ZFYVE28: variants seen among roughly 807,000 people sequenced by gnomAD.
The protein encoded by ZFYVE28 is zinc finger FYVE-type containing 28, also known as lateral signaling target protein 2 homolog.
ZFYVE28 carries 40 observed loss-of-function variants against 82.1 expected under a neutral mutation model. That is an observed-to-expected ratio of 0.49 (90% confidence interval 0.38 to 0.63). The LOEUF is 0.63. ZFYVE28 is among the 30% of genes least tolerant of loss of function. ZFYVE28 has a pLI of 0.00. For synonymous variants in ZFYVE28, 612 were observed against 546.1 expected (o/e 1.12, Z -1.68); for missense variants, 1,321 against 1,242.1 (o/e 1.06, Z -0.96).
intron 1 of ZFYVE28, chr4:2,364,590 G>A: frequency 1.0e-6 from 1 of 985,560 alleles, no homozygotes; most frequent in African/African-American, 1.7e-5. Flanking sequence ...ACAGACGCCC[G>A]GGTGGGCTCC....
Position 2,341,745 on chromosome 4 carries a change from C to A in ZFYVE28, c.181-130G>T, listed in dbSNP as rs1722846818. The A allele has an allele frequency of 7.5e-7, 1 of 1,328,510 alleles. No individual in the cohort carries two copies. Among genetic ancestry groups the A allele is most frequent in the Admixed American group, 2.3e-5 (1 of 42,562 alleles). The allele number at this position is 1,328,510 out of a possible 1,614,324, so 82.3% of individuals were successfully genotyped here. A position where few individuals can be genotyped will look rare whatever the true frequency, so the allele number is the denominator to read the frequency against. ...TATTAAAGTGATAGAGGAGGCTAGGCACGGTGGCTCATGCCTATAATGCCA... is the reference window on the plus strand; with the variant it reads ...TATTAAAGTGATAGAGGAGGCTAGGAACGGTGGCTCATGCCTATAATGCCA... On this transcript the variant is annotated intron_variant, in intron 2 of 12. Coordinates refer to ENST00000290974, the MANE Select transcript of ZFYVE28 (RefSeq NM_020972.3). This position sits in a 1 kb window ranked among gnomAD's most constrained non-coding sequence, Gnocchi z 4.5.
chr4:2,335,660 G>A lies in ZFYVE28; in HGVS notation c.701+45C>T, dbSNP rs146008323. On this transcript the variant is annotated intron_variant, in intron 6 of 12. Transcript: ENST00000290974. The surrounding 1 kb of genome is among the most constrained non-coding windows in gnomAD (Gnocchi z 5.8). ...GGACCTGGCACCATCAGCCCTGCCC[G>A]TCCCGCAGGTTTCTGCAGAGGTCCT... 7.3e-3 allele frequency: 11,160 copies of A among 1,535,730 alleles called. 57 individuals are homozygous for A. The highest frequency in any genetic ancestry group is 0.027 in the Middle Eastern group (161 of 5,958).
chr4:2,283,344 TATCCATCCATCC>T (rs145125230), intron 8 of ZFYVE28, among the ~76,000 whole-genome samples: 4 of 120,164 alleles, frequency 3.3e-5, no homozygotes, highest in South Asian at 3.1e-4. Context: ...CCCATCCATT[TATCCATCCATCC>T]ATCCATCCAT....
At chr4:2,333,051 C>G (rs1479480919) in intron 6 of ZFYVE28, among the ~76,000 whole-genome samples, 2 of 152,130 alleles carry the variant, frequency 1.3e-5, no homozygotes, top group Admixed American at 1.3e-4. Context: ...GTCCCTCACT[C>G]CCTTTCCAGG....
intron 7 of ZFYVE28, among the ~76,000 whole-genome samples, chr4:2,315,813 C>T (rs1056566356): frequency 1.3e-5 from 2 of 152,084 alleles, no homozygotes; most frequent in South Asian, 2.1e-4. Flanking sequence ...AGATTTTTGT[C>T]TTTTGGAATT....
intron 8 of ZFYVE28, among the ~76,000 whole-genome samples, chr4:2,302,983 C>G (rs1192451430): frequency 6.6e-6 from 1 of 152,216 alleles, no homozygotes. Context: ...TTAAGCCGAG[C>G]CATCGTAAGT....
chr4:2,317,672 G>A (rs1024067075), intron 7 of ZFYVE28, among the ~76,000 whole-genome samples: 2 of 151,690 alleles, frequency 1.3e-5, no homozygotes, highest in East Asian at 1.9e-4. Flanking sequence ...TTGCTCTGTC[G>A]CCCAGGCTGG....
intron 8 of ZFYVE28, among the ~76,000 whole-genome samples, chr4:2,288,036 C>T (rs942732063): frequency 5.3e-5 from 8 of 152,162 alleles, no homozygotes; most frequent in African/African-American, 1.7e-4. Flanking sequence ...CCTGTCTGGC[C>T]GGGCCCTATC....
At chr4:2,337,277 C>A in intron 5 of ZFYVE28, 130 bp downstream of exon 5, 1 of 731,660 alleles carries the variant, frequency 1.4e-6, no homozygotes, top group South Asian at 2.2e-5. Flanking sequence ...GAAGACACGT[C>A]TGGTGCCTTC....
chr4:2,334,607 G>A (rs575047127), intron 6 of ZFYVE28, among the ~76,000 whole-genome samples: 9 of 151,738 alleles, frequency 5.9e-5, no homozygotes, highest in East Asian at 2.0e-4. Context: ...TGGACCAGTC[G>A]TGGCCTCTGT....
At chr4:2,273,507 C>A (rs1736105416) in intron 9 of ZFYVE28, among the ~76,000 whole-genome samples, 1 of 152,188 alleles carries the variant, frequency 6.6e-6, no homozygotes, top group South Asian at 2.1e-4. Flanking sequence ...AGGGAGACGA[C>A]CAGACAGACA....
intron 1 of ZFYVE28, among the ~76,000 whole-genome samples, chr4:2,399,642 G>A (rs540033661): frequency 5.3e-5 from 8 of 152,334 alleles, no homozygotes; most frequent in African/African-American, 1.9e-4. Flanking sequence ...GTCAGGGAGG[G>A]GATCACTGCC....
chr4:2,361,487 T>G (rs1338929668), intron 1 of ZFYVE28, among the ~76,000 whole-genome samples: 4 of 152,024 alleles, frequency 2.6e-5, no homozygotes, highest in Non-Finnish European at 5.9e-5. Flanking sequence ...TTCCCAGCAG[T>G]TACGAGGGCT....
chr4:2,350,034 G>GACACACACAC (rs71644325), intron 2 of ZFYVE28, among the ~76,000 whole-genome samples: 1,655 of 148,816 alleles, frequency 0.011, 11 homozygotes, highest in Non-Finnish European at 0.015. Flanking sequence ...GTGACACACA[G>GACACACACAC]ACACACACAC....
chr4:2,405,273 G>A (rs991809171), intron 1 of ZFYVE28, among the ~76,000 whole-genome samples: 7 of 152,274 alleles, frequency 4.6e-5, no homozygotes, highest in South Asian at 2.1e-4. Flanking sequence ...GGGGTGCACC[G>A]CCACCTGCTT....
chr4:2,418,191 G>A lies in ZFYVE28; in HGVS notation c.39+94C>T. 7.9e-6 allele frequency: 10 copies of A among 1,266,174 alleles called. No homozygotes were observed. The South Asian group carries it at 1.3e-4, about 16-fold the overall frequency. The allele number at this position is 1,266,174 out of a possible 1,614,324, so 78.4% of individuals were successfully genotyped here. A position where few individuals can be genotyped will look rare whatever the true frequency, so the allele number is the denominator to read the frequency against. The stretch of plus-strand genomic sequence containing the variant: ...GGGGGAAGAGGCCGGCCACGGACAG[G>A]GAAAGGGAGTCCGTCTTGTAGGGCG... On this transcript the variant is annotated intron_variant, in intron 1 of 12. Transcript: ENST00000290974. This position sits in a 1 kb window ranked among gnomAD's most constrained non-coding sequence, Gnocchi z 4.6.
rs184815305 is a variant in ZFYVE28 at position 2,395,651 on chromosome 4, G to A, written c.39+22634C>T. ...ATTTTCAACCTGGGAGCAGGAAACA[G>A]GGCTTTCCTGAGATTCCTTCCCCAC... On this transcript the variant is annotated intron_variant, in intron 1 of 12. Transcript: ENST00000290974. Among the ~76,000 whole-genome samples, 1,056 of 152,316 alleles carry A rather than the reference G, an allele frequency of 6.9e-3. 14 individuals carry two copies. The highest frequency in any genetic ancestry group is 0.011 in the Non-Finnish European group (756 of 68,032).
intron 8 of ZFYVE28, among the ~76,000 whole-genome samples, chr4:2,292,388 G>A (rs555699285): frequency 1.7e-4 from 26 of 152,274 alleles, no homozygotes; most frequent in African/African-American, 3.6e-4. Flanking sequence ...ACGCTAGGTC[G>A]AGGGGCAGAC....
At chr4:2,388,212 C>T (rs1704582025) in intron 1 of ZFYVE28, among the ~76,000 whole-genome samples, 1 of 152,220 alleles carries the variant, frequency 6.6e-6, no homozygotes, top group Admixed American at 6.5e-5. Context: ...AAATTCAAGA[C>T]ACATAAAAAC....
Sources: gnomAD v4.1 joint callset for allele counts (sites outside exome capture counted in the v4.1 genomes callset) on GRCh38, gnomAD v4.1.1 for gene constraint, Gnocchi (gnomAD v3.1) non-coding constraint, MANE v1.5 for transcripts, NCBI Gene and HGNC (gene_info 2026-07-23, HGNC 2026-07-21) for gene names.